DCAF1: variants seen among roughly 807,000 people sequenced by gnomAD.
DCAF1 encodes the protein DDB1 and CUL4 associated factor 1.
In DCAF1, 15 loss-of-function variants were observed where a neutral mutation model predicts 128.0. The observed-to-expected ratio is 0.12, with a 90% CI of 0.08 to 0.18. The LOEUF (loss-of-function observed/expected upper bound fraction) is 0.18. Ranked by LOEUF, DCAF1 falls within the 10% of genes least tolerant of loss-of-function variation. The pLI is 1.00. For synonymous variants in DCAF1, 610 were observed against 603.0 expected (o/e 1.01, Z -0.17); for missense variants, 988 against 1,649.5 (o/e 0.60, Z 6.95).
intron 14 of DCAF1, 125 bp from the exon 15 acceptor site, chr3:51,421,122 A>G (rs929742964): frequency 2.6e-6 from 3 of 1,149,648 alleles, no homozygotes; most frequent in Non-Finnish European, 3.6e-6. Flanking sequence ...ACTTTTGTAA[A>G]AACTGCAAGG....
intron 6 of DCAF1, among the ~76,000 whole-genome samples, chr3:51,448,732 A>C (rs1408363765): frequency 6.6e-6 from 1 of 152,002 alleles, no homozygotes; most frequent in Non-Finnish European, 1.5e-5. Context: ...GCAAACAAAA[A>C]CTCTGTACCC....
In DCAF1 at chr3:51,403,406, A is replaced by G. The variant is rs1553625617; in HGVS notation, c.4213-11T>C. ...CTGTTCTTCCTCTTCCTGGTAAGAA[A>G]GCGTAATGTTCATTAGTACAAACAC... is the stretch of plus-strand genomic sequence containing the variant. On this transcript the variant is annotated splice_polypyrimidine_tract_variant and intron_variant, in intron 23 of 24. Transcript: ENST00000684031. The G allele has an allele frequency of 1.3e-6, 2 of 1,551,888 alleles. No individual in the cohort carries two copies. Among genetic ancestry groups the G allele is most frequent in the Non-Finnish European group, 1.7e-6 (2 of 1,146,992 alleles).
At chr3:51,455,904 A>G (rs1213365746) in intron 6 of DCAF1, among the ~76,000 whole-genome samples, 1 of 152,044 alleles carries the variant, frequency 6.6e-6, no homozygotes, top group African/African-American at 2.4e-5. Flanking sequence ...TCTCAAAAAA[A>G]GAAAAAAAAA....
Position 51,443,846 on chromosome 3 carries a change from T to A in DCAF1, c.433A>T (p.Thr145Ser). 6.2e-7 allele frequency: 1 copy of A among 1,612,262 alleles called. No homozygotes were observed. The highest frequency in any genetic ancestry group is 8.5e-7 in the Non-Finnish European group (1 of 1,179,582). Reference sequence around the variant, plus strand: ...CCTCCTAACAGTCCAGTAGAATATGTCCTCAATGGTTGATCGGCCTCTCGG... The same window carrying A: ...CCTCCTAACAGTCCAGTAGAATATGACCTCAATGGTTGATCGGCCTCTCGG... ...WAREADQPLR[T>S]YSTGLLGGAM... The change falls in exon 7 of 25, where the codon ACA becomes TCA. Residue 145 changes from threonine to serine, a missense_variant. Around this residue, in one of 11 missense-constraint regions of DCAF1, gnomAD observed 210 missense variants for 260.2 expected, o/e 0.81. Transcript: ENST00000684031.
At chr3:51,411,706 A>G (rs1213420780) in intron 23 of DCAF1, among the ~76,000 whole-genome samples, 1 of 152,196 alleles carries the variant, frequency 6.6e-6, no homozygotes, top group Non-Finnish European at 1.5e-5. Flanking sequence ...ATAAAGGTTA[A>G]GCCATTTCTA....
chr3:51,454,726 T>C (rs1702712563), intron 6 of DCAF1, among the ~76,000 whole-genome samples: 1 of 151,890 alleles, frequency 6.6e-6, no homozygotes. Context: ...CAGGCTGTAG[T>C]GCAGTGGCAC....
chr3:51,437,362 T>C (rs375818278), intron 9 of DCAF1: 2 of 386,556 alleles, frequency 5.2e-6, no homozygotes, highest in Non-Finnish European at 9.8e-6. Context: ...GGGCTGAACA[T>C]GGGAGGGCAA....
chr3:51,398,736 T>C lies in DCAF1; in HGVS notation c.*33A>G. The C allele has an allele frequency of 6.4e-7, 1 of 1,572,730 alleles. No homozygotes were observed. Among genetic ancestry groups the C allele is most frequent in the Non-Finnish European group, 8.6e-7 (1 of 1,158,490 alleles). On this transcript the variant is annotated 3_prime_UTR_variant, in exon 25 of 25. Transcript: ENST00000684031. ...AATTCATTTGACTCAGTTTCTCGCC[T>C]GCCAAGAATCTCTTCCAAGCAGTGA...
chr3:51,452,856 A>T (rs1487304408), intron 6 of DCAF1, among the ~76,000 whole-genome samples: 1 of 152,024 alleles, frequency 6.6e-6, no homozygotes, highest in African/African-American at 2.4e-5. Flanking sequence ...TAATAAAAAT[A>T]TTTTAAAAAT....
chr3:51,498,043 C>G (rs772059288), intron 1 of DCAF1, among the ~76,000 whole-genome samples: 72 of 87,324 alleles, frequency 8.2e-4, no homozygotes, highest in Non-Finnish European at 1.0e-3. Flanking sequence ...CAGTGAGACT[C>G]TGTCTCAAAA....
chr3:51,445,107 G>A (rs1329021094), intron 6 of DCAF1, among the ~76,000 whole-genome samples: 1 of 152,038 alleles, frequency 6.6e-6, no homozygotes, highest in Non-Finnish European at 1.5e-5. Context: ...GGCCAAGATT[G>A]ATAAAAACAT....
chr3:51,430,194 T>C lies in DCAF1; in HGVS notation c.1306A>G (p.Asn436Asp), dbSNP rs782698569. Residue 436 changes from asparagine (N) to aspartate (D), a missense_variant, in exon 11 of 25, where the codon AAT becomes GAT. Asn to Asp is a conservative substitution (Grantham distance 23). This residue lies in a region of DCAF1 where 185 missense variants were observed against 248.1 expected (regional missense o/e 0.75). Coordinates refer to ENST00000684031, the MANE Select transcript of DCAF1 (RefSeq NM_001387579.1). ...AMERVCMHPH[N>D]VLSDVVNYTL... ...TAGTTCACCACATCAGACAGAACAT[T>C]GTGGGGATGCATGCAAACCTGCAAA... The C allele has an allele frequency of 7.7e-6, 6 of 778,816 alleles. No homozygotes were observed. The highest frequency in any genetic ancestry group is 1.3e-5 in the South Asian group (1 of 74,304). 48.2% of individuals were successfully genotyped at this position (778,816 alleles called of 1,614,324 possible).
chr3:51,404,971 A>C (rs782587451), intron 23 of DCAF1, among the ~76,000 whole-genome samples: 1 of 152,208 alleles, frequency 6.6e-6, no homozygotes, highest in African/African-American at 2.4e-5. Flanking sequence ...GGGAAAGGAG[A>C]GCGGGGTCAA....
chr3:51,407,193 G>A (rs1239188652), intron 23 of DCAF1, among the ~76,000 whole-genome samples: 1 of 147,398 alleles, frequency 6.8e-6, no homozygotes, highest in Admixed American at 6.8e-5. Context: ...CAACAAAACC[G>A]TCATTCAAAT....
chr3:51,415,548 T>C (rs1458768112), intron 18 of DCAF1, among the ~76,000 whole-genome samples: 1 of 152,134 alleles, frequency 6.6e-6, no homozygotes, highest in Non-Finnish European at 1.5e-5. Flanking sequence ...CCCATATTTA[T>C]ATTTCCCAAC....
At chr3:51,433,461 C>T (rs1280832790) in intron 9 of DCAF1, among the ~76,000 whole-genome samples, 197 bp from the exon 10 acceptor site, 2 of 151,792 alleles carry the variant, frequency 1.3e-5, no homozygotes, top group Non-Finnish European at 2.9e-5. Context: ...TTTCCTAACA[C>T]CAGGAAATTT....
chr3:51,474,737 C>G (rs2108275282), intron 3 of DCAF1, among the ~76,000 whole-genome samples: 1 of 151,208 alleles, frequency 6.6e-6, no homozygotes, highest in African/African-American at 2.4e-5. Context: ...CCTCCTGCGT[C>G]AGCTTCCCAA....
rs782350342 is a variant in DCAF1, at chr3:51,430,296, A to C, written c.1288-84T>G. ...CAGGATGGAAAATTTGCCAGTATAG[A>C]TATCTGCAGAATACAATGACCATCT... On this transcript the variant is annotated intron_variant, in intron 10 of 24. Transcript: ENST00000684031. 10 of 673,434 alleles carry C rather than the reference A, an allele frequency of 1.5e-5. No homozygotes were observed. In the East Asian group the frequency reaches 2.3e-4, roughly 16 times the overall value. The allele number at this position is 673,434 out of a possible 1,614,324, so 41.7% of individuals were successfully genotyped here.
At chr3:51,447,063 A>G in intron 6 of DCAF1, among the ~76,000 whole-genome samples, 1 of 151,836 alleles carries the variant, frequency 6.6e-6, no homozygotes, top group Non-Finnish European at 1.5e-5. Context: ...CCAAAAAGTC[A>G]TCAGCTCATT....
Sources: allele counts gnomAD v4.1 joint callset (sites outside exome capture counted in the v4.1 genomes callset), GRCh38; gene constraint gnomAD v4.1.1; regional missense constraint gnomAD v4.1.1; transcripts MANE v1.5; gene names NCBI Gene and HGNC (gene_info 2026-07-23, HGNC 2026-07-21).